Variants in ANK1 observed in about 807,000 individuals in gnomAD.
ANK1 encodes the protein ankyrin 1, also known as ankyrin-1.
A neutral mutation model predicts 210.4 loss-of-function variants in ANK1; 51 were observed. That is an observed-to-expected ratio of 0.24 (90% CI 0.19 to 0.31). The LOEUF is 0.31. Ranked by LOEUF, ANK1 falls within the 10% of genes least tolerant of loss-of-function variation. The pLI is 1.00. For synonymous variants in ANK1, 967 were observed against 1,025.9 expected (o/e 0.94, Z 1.10); for missense variants, 2,051 against 2,504.4 (o/e 0.82, Z 3.86).
intron 1 of ANK1, among the ~76,000 whole-genome samples, chr8:41,794,415 C>T (rs2150766688): frequency 6.6e-6 from 1 of 152,260 alleles, no homozygotes; most frequent in South Asian, 2.1e-4. Context: ...TCCAATGGCA[C>T]CTCAATGAGG....
chr8:41,894,355 G>A (rs1219048949), intron 1 of ANK1, among the ~76,000 whole-genome samples: 2 of 151,828 alleles, frequency 1.3e-5, no homozygotes, highest in Admixed American at 6.6e-5. Context: ...CATTTGGGGG[G>A]AGGAATATAT....
At chr8:41,886,497 G>C (rs1818462857) in intron 1 of ANK1, among the ~76,000 whole-genome samples, 1 of 152,230 alleles carries the variant, frequency 6.6e-6, no homozygotes, top group African/African-American at 2.4e-5. Context: ...GCATGCTAAA[G>C]CTCTGCTGAT....
At chr8:41,841,476 C>G (rs1470646520) in intron 1 of ANK1, among the ~76,000 whole-genome samples, 2 of 152,322 alleles carry the variant, frequency 1.3e-5, no homozygotes, top group East Asian at 1.9e-4. Context: ...ATGCTACCTA[C>G]AGTAAACAAT....
chr8:41,660,341 G>C (rs565491), intron 42 of ANK1: 3 of 439,662 alleles, frequency 6.8e-6, no homozygotes, highest in Admixed American at 3.1e-5. Context: ...CTTGCTGCTC[G>C]GTCCCAGAGT....
At chr8:41,709,370 A>G (rs1251274896) in intron 16 of ANK1, among the ~76,000 whole-genome samples, 1 of 152,262 alleles carries the variant, frequency 6.6e-6, no homozygotes, top group African/African-American at 2.4e-5. Context: ...TCCCAGTGCA[A>G]CTGGGCCAAG....
chr8:41,847,329 G>A (rs1206525973), intron 1 of ANK1, among the ~76,000 whole-genome samples: 1 of 152,212 alleles, frequency 6.6e-6, no homozygotes, highest in Non-Finnish European at 1.5e-5. Flanking sequence ...GACGGTGCAG[G>A]TGGATTTATG....
At chr8:41,886,137 G>A (rs1292273842) in intron 1 of ANK1, among the ~76,000 whole-genome samples, 2 of 152,142 alleles carry the variant, frequency 1.3e-5, no homozygotes, top group Non-Finnish European at 2.9e-5. Flanking sequence ...ACCCATTCAG[G>A]GCTCAGGTGC....
chr8:41,841,530 G>A (rs553180775), intron 1 of ANK1, among the ~76,000 whole-genome samples: 3 of 152,224 alleles, frequency 2.0e-5, no homozygotes, highest in East Asian at 1.9e-4. Context: ...ATGACTCCCC[G>A]GCTAAGTGTT....
At chr8:41,817,195 TC>T (rs1246623311) in intron 1 of ANK1, among the ~76,000 whole-genome samples, 3 of 152,170 alleles carry the variant, frequency 2.0e-5, no homozygotes, top group African/African-American at 7.2e-5. Flanking sequence ...AAAATTTACA[TC>T]TCAAAAGCAC....
chr8:41,869,690 C>A (rs1408268774), intron 1 of ANK1, among the ~76,000 whole-genome samples: 3 of 152,190 alleles, frequency 2.0e-5, no homozygotes, highest in Non-Finnish European at 4.4e-5. Flanking sequence ...TGTGAGAACT[C>A]ACAAAGGCCT....
chr8:41,697,594 G>A (rs1189486580), intron 24 of ANK1: 1 of 331,922 alleles, frequency 3.0e-6, no homozygotes, highest in African/African-American at 2.2e-5. Flanking sequence ...GTGCTAACTG[G>A]GTTCATGCGT....
chr8:41,790,359 C>T (rs143709099), intron 1 of ANK1, among the ~76,000 whole-genome samples: 1 of 152,246 alleles, frequency 6.6e-6, no homozygotes, highest in East Asian at 1.9e-4. Flanking sequence ...GTTGGCCATG[C>T]TGGTCTCGAA....
chr8:41,862,716 A>G (rs1813528991), intron 1 of ANK1, among the ~76,000 whole-genome samples: 1 of 152,008 alleles, frequency 6.6e-6, no homozygotes. Flanking sequence ...GGAAAAAAGA[A>G]AAACCACTGC....
At chr8:41,710,215 C>T (rs1442491479) in intron 16 of ANK1, among the ~76,000 whole-genome samples, 1 of 152,186 alleles carries the variant, frequency 6.6e-6, no homozygotes, top group African/African-American at 2.4e-5. Flanking sequence ...CTCATCACTG[C>T]CGAAAACCAC....
intron 1 of ANK1, among the ~76,000 whole-genome samples, chr8:41,824,515 G>A (rs1805017069): frequency 6.6e-6 from 1 of 151,980 alleles, no homozygotes; most frequent in Admixed American, 6.6e-5. Flanking sequence ...CCACTCCTAT[G>A]GAAACAGAAA....
chr8:41,693,325 G>T, intron 29 of ANK1, 124 bp from the exon 30 acceptor site: 8 of 844,902 alleles, frequency 9.5e-6, no homozygotes, highest in South Asian at 7.1e-5. Context: ...CTGCAGCCCT[G>T]GGCACCCTAC....
At chr8:41,740,632 G>A (rs142016586) in intron 2 of ANK1, among the ~76,000 whole-genome samples, 130 of 152,176 alleles carry the variant, frequency 8.5e-4, no homozygotes, top group African/African-American at 3.0e-3. Context: ...CTAGGTCTAC[G>A]GTCTAAGGAT....
In ANK1 at chr8:41,756,232, G is replaced by A. The variant is rs759150759; in HGVS notation, c.129+1804C>T. On this transcript the variant is annotated intron_variant, in intron 2 of 42. Coordinates refer to ENST00000289734, the MANE Select transcript of ANK1 (RefSeq NM_000037.4). ...ACGATCTCGGCTCACTGCAACCTCC[G>A]CCTCCTGGGTTCTAGCGATTCTTCT... is the stretch of plus-strand genomic sequence containing the variant. Among the ~76,000 whole-genome samples, 92 of 151,828 alleles carry A rather than the reference G, an allele frequency of 6.1e-4. 1 individual carries two copies. In the Middle Eastern group the frequency reaches 0.01, roughly 17 times the overall value.
At chr8:41,682,396 G>A (rs1314075381) in intron 37 of ANK1, among the ~76,000 whole-genome samples, 1 of 152,234 alleles carries the variant, frequency 6.6e-6, no homozygotes, top group African/African-American at 2.4e-5. Context: ...CTGCTGGTGT[G>A]TGATACAATT....
Sources: gnomAD v4.1 joint callset for allele counts (sites outside exome capture counted in the v4.1 genomes callset) on GRCh38, gnomAD v4.1.1 for gene constraint, MANE v1.5 for transcripts, NCBI Gene and HGNC (gene_info 2026-07-23, HGNC 2026-07-21) for gene names.